Variants in CCDC88A observed in about 807,000 individuals in gnomAD.
The protein encoded by CCDC88A is coiled-coil and HOOK domain protein 88A.
Under a neutral mutation model 234.3 loss-of-function variants are expected in CCDC88A, and 54 were observed. The observed-to-expected ratio is 0.23, with a 90% CI of 0.19 to 0.29. The LOEUF is 0.29. Ranked by LOEUF, CCDC88A falls within the 10% of genes least tolerant of loss-of-function variation. The pLI is 1.00. For synonymous variants in CCDC88A, 753 were observed against 737.8 expected (o/e 1.02, Z -0.33); for missense variants, 1,832 against 2,123.4 (o/e 0.86, Z 2.70).
intron 18 of CCDC88A, among the ~76,000 whole-genome samples, chr2:55,320,102 CTT>C (rs1337701950): frequency 6.6e-6 from 1 of 151,992 alleles, no homozygotes; most frequent in Non-Finnish European, 1.5e-5. Context: ...TTATACTTCT[CTT>C]TTGTTCATTT....
In CCDC88A at chr2:55,406,273, ATTAAG is replaced by A. The variant is rs546702445; in HGVS notation, c.164+12538_164+12542del. 2 of 152,324 alleles carry A rather than the reference ATTAAG, an allele frequency of 1.3e-5. 1 individual carries two copies. Among genetic ancestry groups the A allele is most frequent in the South Asian group, 4.1e-4 (2 of 4,824 alleles). 9.4% of individuals were successfully genotyped at this position (152,324 alleles called of 1,614,324 possible). The stretch of plus-strand genomic sequence containing the variant: ...GATATGAAATAAGGAGTTGGGAAAA[ATTAAG>A]TTAACCTTCAAATATGAGAAAACTC... On this transcript the variant is annotated intron_variant, in intron 2 of 32. Coordinates refer to ENST00000436346, the MANE Select transcript of CCDC88A (RefSeq NM_001365480.1).
chr2:55,416,726 T>C (rs1027977034), intron 2 of CCDC88A, among the ~76,000 whole-genome samples: 1 of 151,502 alleles, frequency 6.6e-6, no homozygotes, highest in Non-Finnish European at 1.5e-5. Flanking sequence ...CACTTTATAA[T>C]AGAGTACATT....
Position 55,375,247 on chromosome 2 carries a change from G to A in CCDC88A, c.274-364C>T, listed in dbSNP as rs1053755454. On this transcript the variant is annotated intron_variant, in intron 3 of 32. Coordinates refer to ENST00000436346, the MANE Select transcript of CCDC88A (RefSeq NM_001365480.1). Reference sequence around the variant, plus strand: ...TAATAAAAAAGCTTTAAAAATATCAGATGTCCCCAAATTAAAGCATTCAAG... The same window carrying A: ...TAATAAAAAAGCTTTAAAAATATCAAATGTCCCCAAATTAAAGCATTCAAG... 6.6e-5 allele frequency among the ~76,000 whole-genome samples: 10 copies of A among 151,862 alleles called. No homozygotes were observed. The South Asian group carries it at 2.1e-3, about 32-fold the overall frequency.
At chr2:55,346,137 AG>A in intron 10 of CCDC88A, 37 bp downstream of exon 10, 1 of 1,484,302 alleles carries the variant, frequency 6.7e-7, no homozygotes, top group Non-Finnish European at 9.1e-7. Context: ...ATTCTAACAC[AG>A]AAAAAAAAAT....
At chr2:55,365,400 A>G (rs1307715720) in intron 5 of CCDC88A, among the ~76,000 whole-genome samples, 2 of 152,196 alleles carry the variant, frequency 1.3e-5, no homozygotes, top group Non-Finnish European at 1.5e-5. Context: ...TGACCTACAC[A>G]GTTTCTGAAC....
chr2:55,341,140 CTT>C (rs562623314), intron 12 of CCDC88A, among the ~76,000 whole-genome samples: 3,589 of 80,984 alleles, frequency 0.044, 30 homozygotes, highest in African/African-American at 0.088. Context: ...GAATTTCTTT[CTT>C]TTTTTTTTTT....
intron 17 of CCDC88A, among the ~76,000 whole-genome samples, chr2:55,327,398 G>T (rs1684405502): frequency 6.6e-6 from 1 of 152,192 alleles, no homozygotes. Context: ...TGGAGTTGCT[G>T]CAAGAGGTAA....
At position 55,401,433 on chromosome 2, in the gene CCDC88A, C is replaced by CAAAAA. The variant is rs1418741634; in HGVS notation, c.165-12548_165-12547insTTTTT. 1.4e-3 allele frequency among the ~76,000 whole-genome samples: 43 copies of CAAAAA among 30,128 alleles called. 1 individual carries two copies. The highest frequency in any genetic ancestry group is 6.3e-3 in the African/African-American group (26 of 4,140). 19.8% of individuals were successfully genotyped at this position (30,128 alleles called of 152,430 possible). A position where few individuals can be genotyped will look rare whatever the true frequency, so the allele number is the denominator to read the frequency against. On this transcript the variant is annotated intron_variant, in intron 2 of 32. Transcript: ENST00000436346. ...TGGATGACAGAGAAAGACTCTGTCT[C>CAAAAA]CAAAAAAAAAAAAAATATATATATA...
chr2:55,370,071 G>A (rs1389389355), intron 5 of CCDC88A, among the ~76,000 whole-genome samples: 1 of 152,054 alleles, frequency 6.6e-6, no homozygotes, highest in African/African-American at 2.4e-5. Flanking sequence ...TCTTTTCTTG[G>A]TAGATACATC....
At position 55,309,196 on chromosome 2, in the gene CCDC88A, G is replaced by T; in HGVS notation, c.4138C>A (p.Gln1380Lys). 1 of 1,559,738 alleles carries T rather than the reference G, an allele frequency of 6.4e-7. No homozygotes were observed. Among genetic ancestry groups the T allele is most frequent in the Non-Finnish European group, 8.8e-7 (1 of 1,139,144 alleles). ...KEKLEEKIMDQYKFYDPSPPR... is the reference protein window; with the variant it reads ...KEKLEEKIMDKYKFYDPSPPR... ...GGAGATGGGTCATAAAATTTGTATT[G>T]ATCCATAATTTTCTCTTCTAGTTTC... is the stretch of plus-strand genomic sequence containing the variant. Residue 1380 changes from glutamine (Q) to lysine (K), a missense_variant, in exon 24 of 33, where the codon CAA becomes AAA. Around this residue, in one of 6 missense-constraint regions of CCDC88A, gnomAD observed 1,282 missense variants for 1,543.6 expected, o/e 0.83. Transcript: ENST00000436346. The surrounding 1 kb of genome is among the most constrained non-coding windows in gnomAD (Gnocchi z 5.1).
chr2:55,354,922 G>A (rs990923485), intron 8 of CCDC88A, among the ~76,000 whole-genome samples: 7 of 149,350 alleles, frequency 4.7e-5, no homozygotes, highest in African/African-American at 1.7e-4. Flanking sequence ...AAACTTTTTT[G>A]TTAAAAACCA....
chr2:55,419,045 T>A lies in CCDC88A; in HGVS notation c.35A>T (p.Gln12Leu), dbSNP rs1410432485. The A allele has an allele frequency of 6.2e-7, 1 of 1,613,574 alleles. No homozygotes were observed. The highest frequency in any genetic ancestry group is 2.2e-5 in the East Asian group (1 of 44,880). ...ENEIFTPLLEQFMTSPLVTWV... is the reference protein window; with the variant it reads ...ENEIFTPLLELFMTSPLVTWV... ...AGTGACCAAAGGGCTGGTCATGAACTGCTCCAGAAGGGGAGTAAAAATTTC... is the reference window on the plus strand; with the variant it reads ...AGTGACCAAAGGGCTGGTCATGAACAGCTCCAGAAGGGGAGTAAAAATTTC... Residue 12 changes from glutamine (Q) to leucine (L), a missense_variant, in exon 1 of 33, where the codon CAG (glutamine) becomes CTG (leucine). This residue lies in a region of CCDC88A where 36 missense variants were observed against 44.0 expected (regional missense o/e 0.82). Coordinates refer to ENST00000436346, the MANE Select transcript of CCDC88A (RefSeq NM_001365480.1).
intron 29 of CCDC88A, among the ~76,000 whole-genome samples, chr2:55,297,355 A>ATTATATAT (rs1680254327): frequency 6.2e-5 from 6 of 97,158 alleles, no homozygotes; most frequent in African/African-American, 2.3e-4. Context: ...TATTATATAT[A>ATTATATAT]AATATATATA....
In CCDC88A at chr2:55,419,220, C is replaced by T. The variant is rs1681950229; in HGVS notation, c.-141G>A. On this transcript the variant is annotated 5_prime_UTR_variant, in exon 1 of 33. In the 5' UTR this introduces an upstream ATG that the reference lacks. Transcript: ENST00000436346. ...AATCCCATCGTGGAGGAGGGGGGCA[C>T]TCTCCCTCCTCAAAAAACACCCCAG... The T allele has an allele frequency of 8.1e-6, 5 of 618,568 alleles. No homozygotes were observed. In the South Asian group the frequency reaches 1.0e-4, roughly 12 times the overall value. The allele number at this position is 618,568 out of a possible 1,614,324, so 38.3% of individuals were successfully genotyped here.
chr2:55,375,801 T>G (rs945351350), intron 3 of CCDC88A, among the ~76,000 whole-genome samples: 1 of 151,970 alleles, frequency 6.6e-6, no homozygotes, highest in Non-Finnish European at 1.5e-5. Context: ...GTGTTGAGAT[T>G]ACAGGCATAA....
Position 55,384,539 on chromosome 2 carries a change from ACG to A in CCDC88A, c.273+4237_273+4238del, listed in dbSNP as rs1558787697. ...ATAAATTATATATATATACATATATACGTATATATGTGTATATATACACATAT... is the reference window on the plus strand; with the variant it reads ...ATAAATTATATATATATACATATATATATATATGTGTATATATACACATAT... On this transcript the variant is annotated intron_variant, in intron 3 of 32. Transcript: ENST00000436346. Among the ~76,000 whole-genome samples, 15 of 66,226 alleles carry A rather than the reference ACG, an allele frequency of 2.3e-4. 1 individual carries two copies. Among genetic ancestry groups the A allele is most frequent in the African/African-American group, 7.7e-4 (14 of 18,146 alleles). 43.4% of individuals were successfully genotyped at this position (66,226 alleles called of 152,430 possible).
In CCDC88A at chr2:55,296,267, G is replaced by A. The variant is rs148827895; in HGVS notation, c.5082C>T (p.Thr1694=). 5 of 1,613,802 alleles carry A rather than the reference G, an allele frequency of 3.1e-6. No individual in the cohort carries two copies. In the African/African-American group the frequency reaches 6.7e-5, roughly 22 times the overall value. Reference sequence around the variant, plus strand: ...CATAGATAAAACTAACCTGTACTGAGGTAAGCTTATTGCTTTCTTCCAAAA... The same window carrying A: ...CATAGATAAAACTAACCTGTACTGAAGTAAGCTTATTGCTTTCTTCCAAAA... ...QQFLEESNKL[T]SVQIKSSSQE... Residue 1694 remains threonine, a synonymous_variant, in exon 30 of 33, where the codon ACC becomes ACT. Coordinates refer to ENST00000436346, the MANE Select transcript of CCDC88A (RefSeq NM_001365480.1).
chr2:55,293,087 A>C (rs1470981607), intron 31 of CCDC88A, among the ~76,000 whole-genome samples: 2 of 151,870 alleles, frequency 1.3e-5, no homozygotes, highest in Admixed American at 1.3e-4. Flanking sequence ...TGTAAGTCTA[A>C]TTTTGTAAAA....
intron 23 of CCDC88A, among the ~76,000 whole-genome samples, chr2:55,310,495 T>A (rs533717055): frequency 6.6e-6 from 1 of 152,020 alleles, no homozygotes; most frequent in South Asian, 2.1e-4. Flanking sequence ...GGCAGGAGAA[T>A]AGCCTGAACT....
Sources: gnomAD v4.1 joint callset for allele counts (sites outside exome capture counted in the v4.1 genomes callset) on GRCh38, gnomAD v4.1.1 for gene constraint, gnomAD v4.1.1 regional missense constraint, Gnocchi (gnomAD v3.1) non-coding constraint, MANE v1.5 for transcripts, NCBI Gene and HGNC (gene_info 2026-07-23, HGNC 2026-07-21) for gene names.